Variants in AP1B1 observed in about 807,000 individuals in gnomAD.
AP1B1 encodes the protein adaptor related protein complex 1 subunit beta 1.
Under a neutral mutation model 104.3 loss-of-function variants are expected in AP1B1, and 36 were observed. That is an observed-to-expected ratio of 0.35 (90% CI 0.26 to 0.46). The LOEUF is 0.46. Among genes scored for constraint, AP1B1 ranks in the 20% least tolerant of loss-of-function variants. The probability of loss-of-function intolerance (pLI) is 1.00; values close to 1 mark genes in which losing one functional copy is unlikely to be tolerated. For synonymous variants in AP1B1, 504 were observed against 517.5 expected, an observed-to-expected ratio of 0.97 and a Z score of 0.35; for missense variants, 901 against 1,247.9, an observed-to-expected ratio of 0.72 and a Z score of 4.19.
At chr22:29,362,180 A>T (rs1336853493) in intron 3 of AP1B1, among the ~76,000 whole-genome samples, 2 of 152,228 alleles carry the variant, frequency 1.3e-5, no homozygotes, top group African/African-American at 4.8e-5. Flanking sequence ...CAGCCGCTCT[A>T]CACACAACCG....
intron 11 of AP1B1, among the ~76,000 whole-genome samples, chr22:29,344,514 A>ATT (rs35466454): frequency 0.01 from 978 of 93,806 alleles, 79 homozygotes; most frequent in African/African-American, 0.014. Flanking sequence ...CCTGGCCAAG[A>ATT]TTTTTTTTTT....
At position 29,339,044 on chromosome 22, in the gene AP1B1, A is replaced by G. The variant is rs1569153178; in HGVS notation, c.2109T>C (p.Phe703=). ...APIGSGLSDL[F]DLTSGVGTLS... ...GGGTGCCCACGCCACTGGTCAGGTCAAAGAGGTCACTCAGGCCACTGCCGA... is the reference window on the plus strand; with the variant it reads ...GGGTGCCCACGCCACTGGTCAGGTCGAAGAGGTCACTCAGGCCACTGCCGA... The change falls in exon 16 of 23, where the codon TTT becomes TTC. Residue 703 remains phenylalanine (F), a synonymous_variant. Transcript: ENST00000357586. 2 of 1,614,208 alleles carry G rather than the reference A, an allele frequency of 1.2e-6. No individual in the cohort carries two copies. Among genetic ancestry groups the G allele is most frequent in the Non-Finnish European group, 1.7e-6 (2 of 1,180,052 alleles).
chr22:29,353,394 G>A (rs1011803408), intron 7 of AP1B1, among the ~76,000 whole-genome samples: 2 of 152,128 alleles, frequency 1.3e-5, no homozygotes, highest in Non-Finnish European at 2.9e-5. Flanking sequence ...CACATCTCAG[G>A]ACCAGGGCAG....
At chr22:29,351,347 CAG>C (rs2061871299) in intron 8 of AP1B1, 81 bp from the exon 9 acceptor site, 2 of 1,427,272 alleles carry the variant, frequency 1.4e-6, no homozygotes, top group Non-Finnish European at 9.9e-7. Context: ...TGAATATACA[CAG>C]ACTCCCTAGG....
At chr22:29,375,684 C>T (rs1602803543) in intron 1 of AP1B1, among the ~76,000 whole-genome samples, 1 of 152,298 alleles carries the variant, frequency 6.6e-6, no homozygotes, top group East Asian at 1.9e-4. Flanking sequence ...GAAATCTGGC[C>T]CTACTACCAA....
At chr22:29,377,028 T>A (rs2062354266) in intron 1 of AP1B1, among the ~76,000 whole-genome samples, 1 of 151,742 alleles carries the variant, frequency 6.6e-6, no homozygotes, top group African/African-American at 2.4e-5. Context: ...AAACCCTGTC[T>A]CTACTGAAAA....
At position 29,334,220 on chromosome 22, in the gene AP1B1, A is replaced by G. The variant is rs573764260; in HGVS notation, c.2309+45T>C. Reference sequence around the variant, plus strand: ...GAACAGACTCCGAGTGGGTTCTCTCACAGGCCTCCTCTTGAGAGGTGCGCT... The same window carrying G: ...GAACAGACTCCGAGTGGGTTCTCTCGCAGGCCTCCTCTTGAGAGGTGCGCT... On this transcript the variant is annotated intron_variant, in intron 17 of 22. Transcript: ENST00000357586. 193 of 1,525,990 alleles carry G rather than the reference A, an allele frequency of 1.3e-4. 1 individual carries two copies. The South Asian group carries it at 2.3e-3, about 18-fold the overall frequency. The allele number at this position is 1,525,990 out of a possible 1,614,324, so 94.5% of individuals were successfully genotyped here. A position where few individuals can be genotyped will look rare whatever the true frequency, so the allele number is the denominator to read the frequency against.
intron 1 of AP1B1, among the ~76,000 whole-genome samples, chr22:29,382,641 T>A (rs772005060): frequency 2.0e-4 from 30 of 151,764 alleles, no homozygotes; most frequent in Middle Eastern, 3.2e-3. Context: ...GAAGGGAAGT[T>A]AAAATTTAAC....
chr22:29,362,719 T>C (rs1167063426), intron 3 of AP1B1, among the ~76,000 whole-genome samples: 2 of 152,196 alleles, frequency 1.3e-5, no homozygotes, highest in Non-Finnish European at 2.9e-5. Context: ...ACTGATCCTC[T>C]GGAGTTTCTG....
intron 1 of AP1B1, among the ~76,000 whole-genome samples, chr22:29,375,166 T>A (rs561821797): frequency 4.0e-5 from 6 of 151,510 alleles, no homozygotes; most frequent in Admixed American, 3.9e-4. Flanking sequence ...CTGGCCAACA[T>A]AGTGAAACCC....
At position 29,328,853 on chromosome 22, in the gene AP1B1, A is replaced by G; in HGVS notation, c.2818T>C (p.Tyr940His). The change falls in exon 23 of 23, where the codon TAC (tyrosine) becomes CAC (histidine). Residue 940 changes from tyrosine to histidine, a missense_variant. By Grantham distance (83) the Tyr-to-His change is moderately conservative. Coordinates refer to ENST00000357586, the MANE Select transcript of AP1B1 (RefSeq NM_001127.4). The surrounding 1 kb of genome is among the most constrained non-coding windows in gnomAD (Gnocchi z 4.1). ...CRAPEVSQHV[Y>H]QAYETILKN ...TTGAGGATGGTCTCGTAGGCCTGGT[A>G]CACGTGCTGGGACACCTCTGGTGCT... 1 of 1,609,370 alleles carries G rather than the reference A, an allele frequency of 6.2e-7. No individual in the cohort carries two copies. The highest frequency in any genetic ancestry group is 8.5e-7 in the Non-Finnish European group (1 of 1,179,128).
In AP1B1 at chr22:29,384,583, A is replaced by G. The variant is rs2062491162; in HGVS notation, c.-28+3841T>C. Among the ~76,000 whole-genome samples, 3 of 152,130 alleles carry G rather than the reference A, an allele frequency of 2.0e-5. No individual in the cohort carries two copies. In the South Asian group the frequency reaches 6.2e-4, roughly 32 times the overall value. On this transcript the variant is annotated intron_variant, in intron 1 of 22. Coordinates refer to ENST00000357586, the MANE Select transcript of AP1B1 (RefSeq NM_001127.4). Reference sequence around the variant, plus strand: ...CTTCGTCAAGGATTAAAAGCTATTTACTGGCCAGGCACGGTGGCTCAAACC... The same window carrying G: ...CTTCGTCAAGGATTAAAAGCTATTTGCTGGCCAGGCACGGTGGCTCAAACC...
intron 1 of AP1B1, among the ~76,000 whole-genome samples, chr22:29,385,163 C>A (rs1306847123): frequency 6.6e-6 from 1 of 152,136 alleles, no homozygotes; most frequent in Non-Finnish European, 1.5e-5. Flanking sequence ...GACAGAAGGA[C>A]TGCTTGAGGC....
intron 4 of AP1B1, 66 bp downstream of exon 4, chr22:29,359,758 A>T: frequency 6.4e-7 from 1 of 1,553,664 alleles, no homozygotes; most frequent in African/African-American, 1.4e-5. Context: ...CCCCGCCCCA[A>T]AGAGACTGAG....
chr22:29,386,262 CACT>C (rs1290151098), intron 1 of AP1B1, among the ~76,000 whole-genome samples: 1 of 152,214 alleles, frequency 6.6e-6, no homozygotes, highest in Non-Finnish European at 1.5e-5. Context: ...GGTCAGGTCA[CACT>C]GCCAGGAAGC....
At chr22:29,333,971 G>A (rs1569151331) in intron 17 of AP1B1, among the ~76,000 whole-genome samples, 1 of 152,132 alleles carries the variant, frequency 6.6e-6, no homozygotes, top group Non-Finnish European at 1.5e-5. Flanking sequence ...AGGCTGAGGC[G>A]GAAGAATTGC....
chr22:29,386,081 G>C (rs1434422008), intron 1 of AP1B1, among the ~76,000 whole-genome samples: 2 of 152,184 alleles, frequency 1.3e-5, no homozygotes, highest in African/African-American at 4.8e-5. Flanking sequence ...CTCAGACACA[G>C]GCCCCCAGCA....
intron 1 of AP1B1, among the ~76,000 whole-genome samples, chr22:29,374,060 T>G (rs2062291070): frequency 6.6e-6 from 1 of 151,270 alleles, no homozygotes; most frequent in Non-Finnish European, 1.5e-5. Flanking sequence ...TAGCTGGGCA[T>G]GGTGGCGGTG....
intron 5 of AP1B1, among the ~76,000 whole-genome samples, chr22:29,357,454 C>A (rs2061976840): frequency 6.6e-6 from 1 of 152,140 alleles, no homozygotes. Context: ...CAACCTCTGC[C>A]TCCTGGGCTC....
Sources: allele counts gnomAD v4.1 joint callset (sites outside exome capture counted in the v4.1 genomes callset), GRCh38; gene constraint gnomAD v4.1.1; non-coding constraint Gnocchi (gnomAD v3.1); transcripts MANE v1.5; gene names NCBI Gene and HGNC (gene_info 2026-07-23, HGNC 2026-07-21).